The following AMPH variants were observed in gnomAD, a reference collection of about 807,000 sequenced individuals.
AMPH encodes amphiphysin (Stiff-Mann syndrome with breast cancer 128kD autoantigen).
In AMPH, 49 loss-of-function variants were observed where a neutral mutation model predicts 99.1. The ratio of observed to expected loss-of-function variants is 0.49; its 90% confidence interval spans 0.39 to 0.63. The LOEUF is 0.63. Among genes scored for constraint, AMPH ranks in the 20% least tolerant of loss-of-function variants. AMPH has a pLI of 0.00. For missense variants in AMPH, 759 were observed against 863.4 expected (o/e 0.88, Z 1.52); for synonymous variants, 314 against 317.3 (o/e 0.99, Z 0.11).
At chr7:38,541,335 C>T (rs1025084941) in intron 1 of AMPH, among the ~76,000 whole-genome samples, 3 of 50,552 alleles carry the variant, frequency 5.9e-5, no homozygotes, top group African/African-American at 2.1e-4. Flanking sequence ...GCACGTCCTA[C>T]ACTGTTTCCC....
At chr7:38,406,487 G>A (rs189564281) in intron 17 of AMPH, among the ~76,000 whole-genome samples, 5 of 152,194 alleles carry the variant, frequency 3.3e-5, no homozygotes, top group East Asian at 1.9e-4. Flanking sequence ...TTAATATTAG[G>A]TGTCAACTTG....
chr7:38,530,057 C>T (rs1790336834), intron 2 of AMPH, among the ~76,000 whole-genome samples: 1 of 152,198 alleles, frequency 6.6e-6, no homozygotes, highest in African/African-American at 2.4e-5. Flanking sequence ...TACAACATCT[C>T]TTCCATCCCA....
At chr7:38,391,725 T>G in intron 19 of AMPH, 23 bp downstream of exon 19, 2 of 1,603,764 alleles carry the variant, frequency 1.2e-6, no homozygotes, top group Non-Finnish European at 1.7e-6. Flanking sequence ...AAAGGATAAA[T>G]GAGACTTAAA....
At chr7:38,611,003 A>C (rs1045665289) in intron 1 of AMPH, among the ~76,000 whole-genome samples, 4 of 152,212 alleles carry the variant, frequency 2.6e-5, no homozygotes, top group Non-Finnish European at 4.4e-5. Context: ...AATCTTGAAA[A>C]GCTATTAGTA....
intron 1 of AMPH, among the ~76,000 whole-genome samples, chr7:38,622,679 T>G (rs1794114687): frequency 6.6e-6 from 1 of 152,152 alleles, no homozygotes. Context: ...TGTGTGAGGA[T>G]ATTGAATCTT....
chr7:38,541,948 A>C (rs1235477543), intron 1 of AMPH, among the ~76,000 whole-genome samples: 1 of 152,206 alleles, frequency 6.6e-6, no homozygotes, highest in Non-Finnish European at 1.5e-5. Flanking sequence ...CTGCTTTCCA[A>C]TCACACATCT....
chr7:38,599,378 G>C (rs1015739939), intron 1 of AMPH, among the ~76,000 whole-genome samples: 6 of 152,156 alleles, frequency 3.9e-5, no homozygotes, highest in African/African-American at 1.4e-4. Flanking sequence ...AGACCTTTAT[G>C]ATCATCCAAT....
Position 38,463,096 on chromosome 7 carries a change from C to A in AMPH, c.767G>T (p.Arg256Leu), listed in dbSNP as rs772069356. The A allele has an allele frequency of 1.2e-6, 2 of 1,612,970 alleles. No individual in the cohort carries two copies. The highest frequency in any genetic ancestry group is 1.7e-6 in the Non-Finnish European group (2 of 1,179,358). Residue 256 changes from arginine to leucine, a missense_variant, in exon 10 of 21, where the codon CGC becomes CTC. By Grantham distance (102) the Arg-to-Leu change is moderately radical. This residue lies in a region of AMPH where 554 missense variants were observed against 575.6 expected (regional missense o/e 0.96). Coordinates refer to ENST00000356264, the MANE Select transcript of AMPH (RefSeq NM_001635.4). ...QGAPSDSGPL[R>L]IAKTPSPPEE... Reference sequence around the variant, plus strand: ...AGGCGGTGATGGTGTCTTTGCAATGCGGAGAGGACCCGAATCACTAGAGGA... The same window carrying A: ...AGGCGGTGATGGTGTCTTTGCAATGAGGAGAGGACCCGAATCACTAGAGGA...
intron 1 of AMPH, among the ~76,000 whole-genome samples, chr7:38,569,714 G>T (rs1791875178): frequency 6.6e-6 from 1 of 152,112 alleles, no homozygotes; most frequent in Non-Finnish European, 1.5e-5. Flanking sequence ...TTGACAGGTG[G>T]GGAGGTATAA....
intron 1 of AMPH, among the ~76,000 whole-genome samples, chr7:38,570,999 C>CATATATATAGTATATATTCATATATTGA (rs1791947347): frequency 1.6e-4 from 1 of 6,314 alleles, no homozygotes; most frequent in East Asian, 1.2e-3. Context: ...TATATATATT[C>CATATATATAGTATATATTCATATATTGA]ATATATATAG....
chr7:38,463,481 G>A (rs1029995421), intron 9 of AMPH, among the ~76,000 whole-genome samples: 1 of 152,152 alleles, frequency 6.6e-6, no homozygotes, highest in Non-Finnish European at 1.5e-5. Flanking sequence ...TTTCAAACAA[G>A]TTCTGCAAGA....
intron 1 of AMPH, among the ~76,000 whole-genome samples, chr7:38,597,783 T>C (rs1793110871): frequency 6.6e-6 from 1 of 152,154 alleles, no homozygotes; most frequent in Non-Finnish European, 1.5e-5. Context: ...AATTTGAAAA[T>C]AGCTTTATCT....
intron 1 of AMPH, among the ~76,000 whole-genome samples, chr7:38,565,782 G>A (rs926290698): frequency 2.6e-5 from 4 of 152,198 alleles, no homozygotes; most frequent in Admixed American, 6.5e-5. Flanking sequence ...CAAGAGTTCC[G>A]GGTCCTTCAC....
At chr7:38,405,053 T>A (rs943984974) in intron 17 of AMPH, among the ~76,000 whole-genome samples, 1 of 152,154 alleles carries the variant, frequency 6.6e-6, no homozygotes, top group Non-Finnish European at 1.5e-5. Flanking sequence ...CGGGGCCTAT[T>A]TTTAGCCTTC....
chr7:38,526,272 C>CT lies in AMPH; in HGVS notation c.150+8658dup, dbSNP rs1156956513. ...AAAATATATATTCATGGTTTCTTTT[C>CT]TTTTTTTTTTTTTCTGAGATAGAGT... On this transcript the variant is annotated intron_variant, in intron 2 of 20. Coordinates refer to ENST00000356264, the MANE Select transcript of AMPH (RefSeq NM_001635.4). Among the ~76,000 whole-genome samples, 1,370 of 142,818 alleles carry CT rather than the reference C, an allele frequency of 9.6e-3. 20 individuals are homozygous for CT. The highest frequency in any genetic ancestry group is 0.028 in the African/African-American group (1,108 of 39,134). The allele number at this position is 142,818 out of a possible 152,430, so 93.7% of individuals were successfully genotyped here.
chr7:38,566,234 C>T (rs1213854757), intron 1 of AMPH, among the ~76,000 whole-genome samples: 1 of 152,120 alleles, frequency 6.6e-6, no homozygotes, highest in African/African-American at 2.4e-5. Flanking sequence ...AGCATCTCAT[C>T]CTAATGTTGT....
At chr7:38,588,733 A>G (rs1164393388) in intron 1 of AMPH, among the ~76,000 whole-genome samples, 4 of 152,184 alleles carry the variant, frequency 2.6e-5, no homozygotes, top group African/African-American at 9.7e-5. Flanking sequence ...GGGGGGAAAA[A>G]ACAGATATTT....
intron 1 of AMPH, among the ~76,000 whole-genome samples, chr7:38,608,568 C>T (rs748852007): frequency 9.2e-5 from 14 of 152,140 alleles, no homozygotes; most frequent in African/African-American, 3.1e-4. Flanking sequence ...AGACTTGAAA[C>T]GAGAAAGGCT....
intron 1 of AMPH, among the ~76,000 whole-genome samples, chr7:38,582,018 G>A (rs543753237): frequency 6.6e-6 from 1 of 152,242 alleles, no homozygotes; most frequent in Admixed American, 6.5e-5. Flanking sequence ...CAGAAGAGAG[G>A]CTGAGGCTGG....
Sources: gnomAD v4.1 joint callset for allele counts (sites outside exome capture counted in the v4.1 genomes callset) on GRCh38, gnomAD v4.1.1 for gene constraint, gnomAD v4.1.1 regional missense constraint, MANE v1.5 for transcripts, NCBI Gene and HGNC (gene_info 2026-07-23, HGNC 2026-07-21) for gene names.